CCDC3: variants seen among roughly 807,000 people sequenced by gnomAD.
CCDC3 encodes coiled-coil domain-containing protein 3.
Under a neutral mutation model 21.4 loss-of-function variants are expected in CCDC3, and 24 were observed. The ratio of observed to expected loss-of-function variants is 1.12; its 90% CI spans 0.81 to 1.58. The LOEUF is 1.58. Among genes scored for constraint, CCDC3 ranks in the 40% most tolerant of loss-of-function variants. The probability of loss-of-function intolerance (pLI) is 0.00; values close to 1 mark genes in which losing one functional copy is unlikely to be tolerated. For synonymous variants in CCDC3, 186 were observed against 166.0 expected (o/e 1.12, Z -0.93); for missense variants, 425 against 360.9 (o/e 1.18, Z -1.44).
Position 13,015,586 on chromosome 10 carries a change from G to C in CCDC3, c.-1-17074C>G, listed in dbSNP as rs185000730. 2.7e-3 allele frequency among the ~76,000 whole-genome samples: 416 copies of C among 152,118 alleles called. 2 individuals carry two copies. Among genetic ancestry groups the C allele is most frequent in the African/African-American group, 9.6e-3 (400 of 41,514 alleles). On this transcript the variant is annotated intron_variant, in intron 5 of 6. Coordinates refer to the CCDC3 transcript ENST00000378839. ...CCCCCAATTTATAGAGAAGGAAAGGGGGTACATAGCTGGCAAAGAATAAAG... is the reference window on the plus strand; with the variant it reads ...CCCCCAATTTATAGAGAAGGAAAGGCGGTACATAGCTGGCAAAGAATAAAG...
chr10:13,022,722 A>G (rs1166836564), intron 5 of CCDC3, among the ~76,000 whole-genome samples: 1 of 152,206 alleles, frequency 6.6e-6, no homozygotes, highest in East Asian at 1.9e-4. Context: ...CCATTTATCA[A>G]ATTAATTCCC....
intron 3 of CCDC3, among the ~76,000 whole-genome samples, chr10:13,087,236 C>A (rs924446083): frequency 2.6e-5 from 4 of 152,056 alleles, no homozygotes; most frequent in Admixed American, 2.0e-4. Flanking sequence ...GAAACCCAGT[C>A]TCTACTAAAA....
intron 2 of CCDC3, among the ~76,000 whole-genome samples, chr10:12,961,162 C>T (rs769700973): frequency 2.6e-5 from 4 of 152,308 alleles, no homozygotes; most frequent in South Asian, 2.1e-4. Flanking sequence ...ACCTAAGTTC[C>T]GGCCCACATT....
intron 4 of CCDC3, among the ~76,000 whole-genome samples, chr10:13,055,386 C>A (rs1038970045): frequency 6.6e-6 from 1 of 151,440 alleles, no homozygotes; most frequent in Non-Finnish European, 1.5e-5. Context: ...GGCTGGAGTG[C>A]AGAGGTATGA....
At chr10:12,931,902 G>A (rs1315748013) in intron 2 of CCDC3, among the ~76,000 whole-genome samples, 1 of 152,092 alleles carries the variant, frequency 6.6e-6, no homozygotes, top group Non-Finnish European at 1.5e-5. Context: ...TGTGTATTTG[G>A]GTGGGAAAAT....
intron 2 of CCDC3, among the ~76,000 whole-genome samples, chr10:12,948,810 C>A (rs1167803786): frequency 6.9e-6 from 1 of 143,960 alleles, no homozygotes; most frequent in Non-Finnish European, 1.5e-5. Context: ...CGGCTCACTG[C>A]AAGCTCCACC....
At chr10:13,084,287 C>CTT (rs61688783) in intron 3 of CCDC3, among the ~76,000 whole-genome samples, 45,116 of 101,688 alleles carry the variant, frequency 0.44, 7,689 homozygotes, top group African/African-American at 0.48. Context: ...CTTTTCTTTT[C>CTT]TTTTTTTTTT....
chr10:12,983,409 C>G (rs895502638), intron 2 of CCDC3, among the ~76,000 whole-genome samples: 2 of 150,764 alleles, frequency 1.3e-5, no homozygotes, highest in African/African-American at 4.9e-5. Flanking sequence ...CTTGTCTCTA[C>G]TAAAAATACA....
intron 2 of CCDC3, among the ~76,000 whole-genome samples, chr10:12,946,998 T>C (rs889799031): frequency 2.0e-5 from 3 of 152,120 alleles, no homozygotes; most frequent in African/African-American, 4.8e-5. Context: ...AGCTCTCTTA[T>C]TGCTGGTTTT....
chr10:12,970,789 G>A (rs564400393), intron 2 of CCDC3, among the ~76,000 whole-genome samples: 5 of 151,854 alleles, frequency 3.3e-5, no homozygotes, highest in Non-Finnish European at 5.9e-5. Context: ...AGGAGGTTGA[G>A]TGAGGCAGGA....
At chr10:13,004,626 G>T (rs1382604640), upstream of CCDC3, among the ~76,000 whole-genome samples, 1 of 140,456 alleles carries the variant, frequency 7.1e-6, no homozygotes, top group African/African-American at 2.7e-5. Flanking sequence ...TGGCTGACTA[G>T]TTCCCCAGGT....
intron 3 of CCDC3, among the ~76,000 whole-genome samples, chr10:13,080,213 G>A (rs543127267): frequency 2.6e-5 from 4 of 152,166 alleles, no homozygotes; most frequent in South Asian, 2.1e-4. Context: ...GAGAGAGAGC[G>A]AGAGCGAGCA....
intron 4 of CCDC3, among the ~76,000 whole-genome samples, chr10:13,068,464 A>T (rs1836847127): frequency 6.6e-6 from 1 of 152,216 alleles, no homozygotes; most frequent in African/African-American, 2.4e-5. Context: ...ACATGACTTT[A>T]ATCCTCGAGG....
chr10:12,944,015 T>A (rs1834876747), intron 2 of CCDC3, among the ~76,000 whole-genome samples: 1 of 152,158 alleles, frequency 6.6e-6, no homozygotes, highest in South Asian at 2.1e-4. Flanking sequence ...AACCGACCAG[T>A]GTTAACATTA....
At chr10:12,967,115 C>A (rs985832911) in intron 2 of CCDC3, among the ~76,000 whole-genome samples, 1 of 152,188 alleles carries the variant, frequency 6.6e-6, no homozygotes, top group Non-Finnish European at 1.5e-5. Context: ...CACCTTCTCC[C>A]ATAAATCAGT....
At chr10:13,092,971 C>A (rs1832590654) in intron 3 of CCDC3, among the ~76,000 whole-genome samples, 1 of 150,618 alleles carries the variant, frequency 6.6e-6, no homozygotes, top group Admixed American at 6.6e-5. Flanking sequence ...CACAGACAAT[C>A]TAGCTAAGGC....
intron 2 of CCDC3, among the ~76,000 whole-genome samples, chr10:12,934,090 C>T (rs1394345132): frequency 1.3e-5 from 2 of 152,012 alleles, no homozygotes; most frequent in Non-Finnish European, 2.9e-5. Flanking sequence ...ATAAAATTTT[C>T]TGTTAAGCTT....
At chr10:13,083,777 G>A (rs1448508973) in intron 3 of CCDC3, among the ~76,000 whole-genome samples, 2 of 152,252 alleles carry the variant, frequency 1.3e-5, no homozygotes, top group Non-Finnish European at 2.9e-5. Context: ...TTTAGATTGT[G>A]AGGTCTGGCT....
At chr10:12,994,907 C>T (rs550664625) in intron 2 of CCDC3, among the ~76,000 whole-genome samples, 12 of 151,680 alleles carry the variant, frequency 7.9e-5, no homozygotes, top group African/African-American at 2.9e-4. Flanking sequence ...ATGGTGAAAC[C>T]CCCTCTCTAC....
Sources: gnomAD v4.1 joint callset for allele counts (sites outside exome capture counted in the v4.1 genomes callset) on GRCh38, gnomAD v4.1.1 for gene constraint, MANE v1.5 for transcripts, NCBI Gene and HGNC (gene_info 2026-07-23, HGNC 2026-07-21) for gene names.